The following MAP3K14 variants were observed in gnomAD, a reference collection of about 807,000 sequenced individuals.
MAP3K14 encodes NF-kappa-beta-inducing kinase.
A neutral mutation model predicts 99.2 loss-of-function variants in MAP3K14; 16 were observed. The observed-to-expected ratio is 0.16, with a 90% CI of 0.11 to 0.24. The LOEUF (loss-of-function observed/expected upper bound fraction) is 0.24. Ranked by LOEUF, MAP3K14 falls within the 10% of genes least tolerant of loss-of-function variation. MAP3K14 has a pLI of 1.00. For synonymous variants in MAP3K14, 462 were observed against 492.4 expected (o/e 0.94, Z 0.82); for missense variants, 784 against 1,208.7 (o/e 0.65, Z 5.21).
At position 45,267,415 on chromosome 17, in the gene MAP3K14, G is replaced by C. The variant is rs750712807; in HGVS notation, c.2317C>G (p.Leu773Val). Residue 773 changes from leucine (L) to valine (V), a missense_variant, in exon 12 of 16, where the codon CTG becomes GTG. This residue lies in a region of MAP3K14 where 128 missense variants were observed against 143.3 expected (regional missense o/e 0.89). Coordinates refer to ENST00000344686, the MANE Select transcript of MAP3K14 (RefSeq NM_003954.5). The surrounding 1 kb of genome is among the most constrained non-coding windows in gnomAD (Gnocchi z 5.1). ...CCACGGCTGCCCGTACCTATTTCCA[G>C]CTGCTGCAGTTCCTGCTCCGGGACG... ...ATVPEQELQQ[L>V]EIELFLNSLS... 6.3e-7 allele frequency: 1 copy of C among 1,593,582 alleles called. No homozygotes were observed. The highest frequency in any genetic ancestry group is 8.5e-7 in the Non-Finnish European group (1 of 1,170,212).
chr17:45,293,646 C>CA (rs1158425752), intron 1 of MAP3K14, among the ~76,000 whole-genome samples: 2 of 152,242 alleles, frequency 1.3e-5, no homozygotes, highest in Non-Finnish European at 2.9e-5. Context: ...CCTCACCTCT[C>CA]AGGGGCACAA....
chr17:45,267,801 G>A lies in MAP3K14; in HGVS notation c.1973-42C>T, dbSNP rs1567986748. 6.5e-7 allele frequency: 1 copy of A among 1,542,946 alleles called. No individual in the cohort carries two copies. The highest frequency in any genetic ancestry group is 1.4e-5 in the African/African-American group (1 of 72,930). ...ACAATGGTGAGGGGAAGCGTGCTGT[G>A]CACAGACAGCGGTCCAGGCAGGAGC... On this transcript the variant is annotated intron_variant, in intron 11 of 15. Transcript: ENST00000344686. This position sits in a 1 kb window ranked among gnomAD's most constrained non-coding sequence, Gnocchi z 5.1.
chr17:45,273,910 C>CG (rs2044159509), intron 8 of MAP3K14: 1 of 681,072 alleles, frequency 1.5e-6, no homozygotes, highest in Non-Finnish European at 2.5e-6. Flanking sequence ...GCTTGACCTT[C>CG]GGTTCTCTGT....
chr17:45,292,829 C>G (rs769496714), intron 1 of MAP3K14, among the ~76,000 whole-genome samples: 1 of 152,204 alleles, frequency 6.6e-6, no homozygotes, highest in Non-Finnish European at 1.5e-5. Context: ...TCGATGTGAG[C>G]GTGACCTCCT....
At chr17:45,292,738 C>CT (rs2044319983) in intron 1 of MAP3K14, among the ~76,000 whole-genome samples, 1 of 152,220 alleles carries the variant, frequency 6.6e-6, no homozygotes, top group African/African-American at 2.4e-5. Context: ...TTCTCAGCCT[C>CT]TTTACCAGGG....
intron 1 of MAP3K14, among the ~76,000 whole-genome samples, chr17:45,296,227 T>C (rs1219370041): frequency 6.6e-6 from 1 of 152,156 alleles, no homozygotes; most frequent in Non-Finnish European, 1.5e-5. Context: ...CTCTGCCTAC[T>C]CAAAGTGCGG....
At position 45,264,342 on chromosome 17, in the gene MAP3K14, C is replaced by T. The variant is rs11574835; in HGVS notation, c.*294G>A. The T allele has an allele frequency of 8.2e-4, 265 of 322,394 alleles. No individual in the cohort carries two copies. The highest frequency in any genetic ancestry group is 5.1e-3 in the African/African-American group (239 of 46,584). The allele number at this position is 322,394 out of a possible 1,614,324, so 20.0% of individuals were successfully genotyped here. On this transcript the variant is annotated 3_prime_UTR_variant, in exon 16 of 16. Transcript: ENST00000344686. ...CTGATCCAAGCGGGTCAGGCCAACT[C>T]GACTGGAGCAGGGCAGAGAAGATCC...
At chr17:45,276,993 C>A (rs1354986409) in intron 6 of MAP3K14, among the ~76,000 whole-genome samples, 1 of 150,930 alleles carries the variant, frequency 6.6e-6, no homozygotes, top group African/African-American at 2.4e-5. Flanking sequence ...CCACATCCAG[C>A]TAATTTTTGT....
chr17:45,276,277 G>C (rs2044179483), intron 6 of MAP3K14, among the ~76,000 whole-genome samples: 1 of 152,198 alleles, frequency 6.6e-6, no homozygotes, highest in South Asian at 2.1e-4. Context: ...ATAGGCCTTG[G>C]ATATAAACAT....
chr17:45,305,608 G>A (rs1451636334), intron 1 of MAP3K14, among the ~76,000 whole-genome samples: 1 of 151,838 alleles, frequency 6.6e-6, no homozygotes, highest in African/African-American at 2.4e-5. Context: ...TGCCATCTTG[G>A]CCAGGCTGAT....
At chr17:45,270,388 T>C in intron 11 of MAP3K14, 25 bp downstream of exon 11, 1 of 1,603,304 alleles carries the variant, frequency 6.2e-7, no homozygotes, top group Non-Finnish European at 8.5e-7. Context: ...GCCCCCCGGG[T>C]CAGCCAGCGT....
intron 10 of MAP3K14, 163 bp downstream of exon 10, chr17:45,270,895 T>C: frequency 9.8e-7 from 1 of 1,022,556 alleles, no homozygotes. Context: ...TCTCCCCTTG[T>C]ACCCCCAGAT....
chr17:45,264,484 C>T lies in MAP3K14; in HGVS notation c.*152G>A, dbSNP rs573263416. 5.4e-6 allele frequency: 5 copies of T among 934,524 alleles called. No individual in the cohort carries two copies. The African/African-American group carries it at 8.4e-5, about 16-fold the overall frequency. The allele number at this position is 934,524 out of a possible 1,614,324, so 57.9% of individuals were successfully genotyped here. A position where few individuals can be genotyped will look rare whatever the true frequency, so the allele number is the denominator to read the frequency against. On this transcript the variant is annotated 3_prime_UTR_variant, in exon 16 of 16. Coordinates refer to ENST00000344686, the MANE Select transcript of MAP3K14 (RefSeq NM_003954.5). ...GAAATCCTGGGAGGCATTCTGCTTG[C>T]CCCCACCTTGCTGCTGCGAGGCCCT...
intron 1 of MAP3K14, among the ~76,000 whole-genome samples, chr17:45,299,787 T>C (rs1175592134): frequency 6.6e-6 from 1 of 152,138 alleles, no homozygotes; most frequent in African/African-American, 2.4e-5. Context: ...AAATCTGACA[T>C]GCCCTCAAAA....
At chr17:45,301,723 T>C (rs546669218) in intron 1 of MAP3K14, among the ~76,000 whole-genome samples, 2 of 152,274 alleles carry the variant, frequency 1.3e-5, no homozygotes, top group South Asian at 4.1e-4. Context: ...CTAGGACATA[T>C]AGCAATGGTT....
intron 6 of MAP3K14, among the ~76,000 whole-genome samples, chr17:45,279,078 C>T (rs2044200141): frequency 6.6e-6 from 1 of 152,220 alleles, no homozygotes; most frequent in Admixed American, 6.5e-5. Flanking sequence ...ATTGCCTGCA[C>T]ACTGAACACT....
rs752374927 is a variant in MAP3K14, at chr17:45,273,823, G to A, written c.1553-216C>T. ...AGGATCTCTGAGGGCAAAGGGACAG[G>A]AGCAGGGTTTACTCGGGAACGCTGC... is the stretch of plus-strand genomic sequence containing the variant. On this transcript the variant is annotated intron_variant, in intron 8 of 15. Transcript: ENST00000344686. The A allele has an allele frequency of 2.3e-4, 149 of 661,614 alleles. 2 individuals are homozygous for A. The highest frequency in any genetic ancestry group is 5.5e-5 in the Non-Finnish European group (20 of 360,594). 41.0% of individuals were successfully genotyped at this position (661,614 alleles called of 1,614,324 possible). A position where few individuals can be genotyped will look rare whatever the true frequency, so the allele number is the denominator to read the frequency against.
intron 3 of MAP3K14, among the ~76,000 whole-genome samples, chr17:45,288,942 TC>T (rs1368365568): frequency 6.6e-6 from 1 of 152,058 alleles, no homozygotes; most frequent in African/African-American, 2.4e-5. Context: ...CCCAGCACCC[TC>T]CCTGTTGATG....
At chr17:45,294,821 G>T (rs1311871713) in intron 1 of MAP3K14, among the ~76,000 whole-genome samples, 2 of 152,232 alleles carry the variant, frequency 1.3e-5, no homozygotes, top group Non-Finnish European at 2.9e-5. Context: ...GTCCAAAATG[G>T]TAGCCACTAG....
Sources: allele counts gnomAD v4.1 joint callset (sites outside exome capture counted in the v4.1 genomes callset), GRCh38; gene constraint gnomAD v4.1.1; regional missense constraint gnomAD v4.1.1; non-coding constraint Gnocchi (gnomAD v3.1); transcripts MANE v1.5; gene names NCBI Gene and HGNC (gene_info 2026-07-23, HGNC 2026-07-21).